The following GALNT14 variants were observed in gnomAD, a reference collection of about 807,000 sequenced individuals.
The protein encoded by GALNT14 is UDP-GalNAc:polypeptide N-acetylgalactosaminyltransferase 14.
Under a neutral mutation model 77.5 loss-of-function variants are expected in GALNT14, and 60 were observed. The observed-to-expected ratio is 0.77, with a 90% CI of 0.63 to 0.96. GALNT14 has a LOEUF of 0.96. GALNT14 is among the 40% of genes least tolerant of loss of function. The pLI, the probability that GALNT14 is intolerant of heterozygous loss-of-function variation, is 0.00. For missense variants in GALNT14, 710 were observed against 731.0 expected, an observed-to-expected ratio of 0.97 and a Z score of 0.33; for synonymous variants, 280 against 281.7, an observed-to-expected ratio of 0.99 and a Z score of 0.06.
chr2:30,963,214 G>A (rs1667797947), intron 3 of GALNT14, among the ~76,000 whole-genome samples: 1 of 152,154 alleles, frequency 6.6e-6, no homozygotes, highest in African/African-American at 2.4e-5. Context: ...AACCCTCCCA[G>A]AGTGCAGGGT....
At chr2:31,110,976 C>T (rs951690949) in intron 1 of GALNT14, among the ~76,000 whole-genome samples, 1 of 152,154 alleles carries the variant, frequency 6.6e-6, no homozygotes, top group Non-Finnish European at 1.5e-5. Context: ...TTCTGGTCTT[C>T]CCTCAATCAG....
downstream of GALNT14, among the ~76,000 whole-genome samples, chr2:30,908,192 T>G (rs1346144306): frequency 6.7e-6 from 1 of 149,520 alleles, no homozygotes; most frequent in Non-Finnish European, 1.5e-5. Context: ...TTCAACATAG[T>G]GTTGGAAGTT....
At chr2:31,064,256 T>C (rs1319259306) in intron 1 of GALNT14, among the ~76,000 whole-genome samples, 2 of 152,256 alleles carry the variant, frequency 1.3e-5, no homozygotes, top group African/African-American at 4.8e-5. Context: ...TGTAAAAGAA[T>C]GTCTCTGCCC....
chr2:31,125,102 G>A, intron 1 of GALNT14: 1 of 1,318,046 alleles, frequency 7.6e-7, no homozygotes, highest in Non-Finnish European at 1.1e-6. Context: ...GGCCTGCTTG[G>A]GCAGAAAAGC....
chr2:31,082,780 G>A (rs1676219370), intron 1 of GALNT14, among the ~76,000 whole-genome samples: 1 of 152,172 alleles, frequency 6.6e-6, no homozygotes, highest in South Asian at 2.1e-4. Flanking sequence ...AGCACTTTGG[G>A]AGGCCGAGGT....
chr2:31,075,013 G>A (rs1436129570), intron 1 of GALNT14, among the ~76,000 whole-genome samples: 1 of 152,220 alleles, frequency 6.6e-6, no homozygotes, highest in African/African-American at 2.4e-5. Flanking sequence ...TGGAGGTGGG[G>A]CCTGGTGGGA....
chr2:30,919,879 C>T (rs1024625976), intron 13 of GALNT14, among the ~76,000 whole-genome samples: 1 of 152,174 alleles, frequency 6.6e-6, no homozygotes. Context: ...GCTCTTGTCC[C>T]AATGCCCATA....
intron 9 of GALNT14, 92 bp from the exon 10 acceptor site, chr2:30,932,286 G>A: frequency 8.0e-7 from 1 of 1,244,350 alleles, no homozygotes; most frequent in East Asian, 2.8e-5. Flanking sequence ...GGCCCCCGCA[G>A]AGGCGAAAGA....
intron 13 of GALNT14, 67 bp downstream of exon 13, chr2:30,924,052 G>A: frequency 6.4e-7 from 1 of 1,567,664 alleles, no homozygotes; most frequent in South Asian, 1.1e-5. Flanking sequence ...GGTGATGGAG[G>A]CAGAGTCATC....
At chr2:30,999,682 C>A (rs1333010364) in intron 1 of GALNT14, among the ~76,000 whole-genome samples, 1 of 152,224 alleles carries the variant, frequency 6.6e-6, no homozygotes, top group Non-Finnish European at 1.5e-5. Flanking sequence ...TGTGAAAATG[C>A]TGTGCCTATG....
intron 1 of GALNT14, among the ~76,000 whole-genome samples, chr2:31,092,620 T>C (rs972214194): frequency 7.9e-4 from 120 of 152,220 alleles, no homozygotes; most frequent in African/African-American, 2.6e-3. Flanking sequence ...GAGATAAGGC[T>C]CCCTCTCCAT....
At chr2:31,001,243 G>T (rs895299619) in intron 1 of GALNT14, among the ~76,000 whole-genome samples, 1 of 152,006 alleles carries the variant, frequency 6.6e-6, no homozygotes, top group Non-Finnish European at 1.5e-5. Flanking sequence ...GACTCTTCAT[G>T]CTAAACCATA....
chr2:31,080,335 C>T (rs1294558327), intron 1 of GALNT14, among the ~76,000 whole-genome samples: 2 of 152,166 alleles, frequency 1.3e-5, no homozygotes, highest in African/African-American at 4.8e-5. Context: ...TTTAGTGTGT[C>T]CCAAATATCA....
At chr2:30,965,000 G>A (rs1044507565) in intron 3 of GALNT14, among the ~76,000 whole-genome samples, 19 of 152,010 alleles carry the variant, frequency 1.2e-4, no homozygotes, top group African/African-American at 4.4e-4. Flanking sequence ...CTGTGGCATC[G>A]GCACCAGCTG....
At chr2:30,975,823 T>G (rs551398629) in intron 2 of GALNT14, among the ~76,000 whole-genome samples, 25 of 152,318 alleles carry the variant, frequency 1.6e-4, no homozygotes, top group African/African-American at 6.0e-4. Context: ...TTTTACTTTG[T>G]GAGAAAGTAT....
intron 9 of GALNT14, among the ~76,000 whole-genome samples, chr2:30,937,373 G>A (rs193131604): frequency 8.5e-5 from 13 of 152,302 alleles, no homozygotes; most frequent in African/African-American, 2.4e-4. Context: ...TGGGTTTGGC[G>A]GAGCCCTCTG....
At chr2:31,010,507 T>C (rs1226754403) in intron 1 of GALNT14, among the ~76,000 whole-genome samples, 4 of 152,178 alleles carry the variant, frequency 2.6e-5, no homozygotes, top group Non-Finnish European at 5.9e-5. Flanking sequence ...CCCAGCTACT[T>C]GGGAGGCTGA....
At chr2:31,074,948 A>G (rs1675665043) in intron 1 of GALNT14, among the ~76,000 whole-genome samples, 1 of 152,144 alleles carries the variant, frequency 6.6e-6, no homozygotes, top group Non-Finnish European at 1.5e-5. Context: ...GGATCTTAAT[A>G]TGGTTGGGAT....
chr2:31,001,023 T>C (rs1038383572), intron 1 of GALNT14, among the ~76,000 whole-genome samples: 4 of 152,164 alleles, frequency 2.6e-5, no homozygotes, highest in Non-Finnish European at 5.9e-5. Context: ...ACAACTGATG[T>C]CTGTCTCAAA....
Sources: gnomAD v4.1 joint callset for allele counts (sites outside exome capture counted in the v4.1 genomes callset) on GRCh38, gnomAD v4.1.1 for gene constraint, MANE v1.5 for transcripts, NCBI Gene and HGNC (gene_info 2026-07-23, HGNC 2026-07-21) for gene names.